The following MAD1L1 variants were observed in gnomAD, a reference collection of about 807,000 sequenced individuals.
The protein encoded by MAD1L1 is mitotic spindle assembly checkpoint protein MAD1.
A neutral mutation model predicts 96.9 loss-of-function variants in MAD1L1; 95 were observed. The ratio of observed to expected loss-of-function variants is 0.98; its 90% CI spans 0.83 to 1.16. The LOEUF (loss-of-function observed/expected upper bound fraction) is 1.16, where lower values mean the gene tolerates loss of function less well. Among genes scored for constraint, MAD1L1 ranks in the 50% most tolerant of loss-of-function variants. MAD1L1 has a pLI of 0.00. For synonymous variants in MAD1L1, 473 were observed against 396.6 expected (o/e 1.19, Z -2.29); for missense variants, 1,007 against 954.4 (o/e 1.06, Z -0.73).
rs1351729744 is a variant in MAD1L1, at chr7:2,169,777, GGAGCAGGGGCTGGACCACAGTCT to G, written c.987-20562_987-20540del. ...GCACAAAGGCCCACTGGGGGCACTCGGAGCAGGGGCTGGACCACAGTCTGGGTGGAGGGGTCGGCCAGGACTGA... is the reference window on the plus strand; with the variant it reads ...GCACAAAGGCCCACTGGGGGCACTCGGGGTGGAGGGGTCGGCCAGGACTGA... On this transcript the variant is annotated intron_variant, in intron 10 of 18. Coordinates refer to ENST00000265854, the MANE Select transcript of MAD1L1 (RefSeq NM_001013836.2). Among the ~76,000 whole-genome samples the G allele has an allele frequency of 1.9e-4, 25 of 133,372 alleles. 2 individuals are homozygous for G. Among genetic ancestry groups the G allele is most frequent in the African/African-American group, 5.5e-4 (18 of 32,960 alleles). The allele number at this position is 133,372 out of a possible 152,430, so 87.5% of individuals were successfully genotyped here.
intron 10 of MAD1L1, among the ~76,000 whole-genome samples, chr7:2,209,097 C>T (rs1032380967): frequency 9.8e-5 from 15 of 152,298 alleles, no homozygotes; most frequent in Middle Eastern, 3.4e-3. Context: ...AACTAACATG[C>T]CCCCAGCCTG....
chr7:2,162,871 T>C (rs1334200834), intron 10 of MAD1L1, among the ~76,000 whole-genome samples: 1 of 141,610 alleles, frequency 7.1e-6, no homozygotes, highest in Non-Finnish European at 1.6e-5. Flanking sequence ...TGGAGTTTCA[T>C]CTTTTTTTTT....
At chr7:1,836,458 C>T (rs181739432) in intron 18 of MAD1L1, among the ~76,000 whole-genome samples, 21 of 152,288 alleles carry the variant, frequency 1.4e-4, no homozygotes, top group Non-Finnish European at 2.6e-4. Context: ...TGACTACGAA[C>T]GCCTAACCTT....
At chr7:2,086,960 G>C (rs1156345014) in intron 11 of MAD1L1, among the ~76,000 whole-genome samples, 2 of 152,200 alleles carry the variant, frequency 1.3e-5, no homozygotes, top group African/African-American at 4.8e-5. Context: ...GCTGAGTTCA[G>C]GAAAAAGTTT....
chr7:2,140,937 T>C (rs538226484), intron 11 of MAD1L1, among the ~76,000 whole-genome samples: 4 of 152,272 alleles, frequency 2.6e-5, no homozygotes, highest in African/African-American at 9.6e-5. Flanking sequence ...TAAAAAGCCA[T>C]GAATATGTAA....
chr7:2,126,594 T>C (rs1192876901), intron 11 of MAD1L1, among the ~76,000 whole-genome samples: 2 of 152,178 alleles, frequency 1.3e-5, no homozygotes, highest in African/African-American at 2.4e-5. Flanking sequence ...GCCGCCAGCC[T>C]TCCTTGGGAC....
chr7:1,956,113 G>A (rs1175128850), intron 16 of MAD1L1, among the ~76,000 whole-genome samples: 1 of 152,072 alleles, frequency 6.6e-6, no homozygotes, highest in East Asian at 1.9e-4. Flanking sequence ...ACTTTATCTT[G>A]GAAATGGACC....
At chr7:2,175,628 A>AAC (rs1337125742) in intron 10 of MAD1L1, among the ~76,000 whole-genome samples, 1 of 152,150 alleles carries the variant, frequency 6.6e-6, no homozygotes, top group African/African-American at 2.4e-5. Context: ...AAACTCTGGC[A>AAC]ACATACTTTT....
chr7:1,873,595 C>T (rs1353376784), intron 18 of MAD1L1, among the ~76,000 whole-genome samples: 2 of 152,002 alleles, frequency 1.3e-5, no homozygotes, highest in Non-Finnish European at 2.9e-5. Flanking sequence ...GCAGGGGGCT[C>T]TGCGGTGGAT....
chr7:2,145,633 T>C (rs1473974370), intron 11 of MAD1L1, among the ~76,000 whole-genome samples: 1 of 152,188 alleles, frequency 6.6e-6, no homozygotes, highest in Non-Finnish European at 1.5e-5. Flanking sequence ...AGGGAGGTGA[T>C]GGCTTCCGGC....
At chr7:2,015,615 C>A (rs1782502354) in intron 12 of MAD1L1, among the ~76,000 whole-genome samples, 1 of 152,240 alleles carries the variant, frequency 6.6e-6, no homozygotes, top group African/African-American at 2.4e-5. Context: ...CAGGTGTGGG[C>A]CTGAACCACA....
chr7:2,205,634 C>T (rs1387475010), intron 10 of MAD1L1, among the ~76,000 whole-genome samples: 1 of 152,170 alleles, frequency 6.6e-6, no homozygotes, highest in African/African-American at 2.4e-5. Flanking sequence ...AGTTATCTCG[C>T]GTCCACCTCC....
intron 18 of MAD1L1, among the ~76,000 whole-genome samples, chr7:1,861,956 C>T (rs900737385): frequency 2.0e-5 from 3 of 152,134 alleles, no homozygotes; most frequent in Non-Finnish European, 4.4e-5. Flanking sequence ...CTGCTGGGAA[C>T]GTAGAGGGCT....
Position 1,882,746 on chromosome 7 carries a change from C to T in MAD1L1, c.1998+15454G>A, listed in dbSNP as rs373002805. 9.8e-5 allele frequency among the ~76,000 whole-genome samples: 15 copies of T among 152,352 alleles called. No homozygotes were observed. In the East Asian group the frequency reaches 1.9e-3, roughly 20 times the overall value. ...GCCACAGGCCCGCTGCATGGCCCCT[C>T]GCCCCCCTTCCCACCGCTGGGGTCC... is the stretch of plus-strand genomic sequence containing the variant. On this transcript the variant is annotated intron_variant, in intron 18 of 18. Coordinates refer to ENST00000265854, the MANE Select transcript of MAD1L1 (RefSeq NM_001013836.2).
Position 2,103,898 on chromosome 7 carries a change from C to A in MAD1L1, c.1074-34560G>T, listed in dbSNP as rs571951652. 6.6e-6 allele frequency among the ~76,000 whole-genome samples: 1 copy of A among 152,220 alleles called. No homozygotes were observed. The highest frequency in any genetic ancestry group is 1.9e-4 in the East Asian group (1 of 5,196). On this transcript the variant is annotated intron_variant, in intron 11 of 18. Coordinates refer to ENST00000265854, the MANE Select transcript of MAD1L1 (RefSeq NM_001013836.2). This position sits in a 1 kb window ranked among gnomAD's most constrained non-coding sequence, Gnocchi z 4.3. The stretch of plus-strand genomic sequence containing the variant: ...GGGGAGACCACCAGTTCTGATGCCA[C>A]GCCATACAACACTCCACCCCGCTGG...
At chr7:1,883,376 G>T (rs1315956645) in intron 18 of MAD1L1, among the ~76,000 whole-genome samples, 3 of 152,166 alleles carry the variant, frequency 2.0e-5, no homozygotes, top group Non-Finnish European at 4.4e-5. Flanking sequence ...CTCACAAACG[G>T]CCCCGGGGAT....
At chr7:2,097,069 C>T (rs1786530926) in intron 11 of MAD1L1, among the ~76,000 whole-genome samples, 1 of 152,148 alleles carries the variant, frequency 6.6e-6, no homozygotes, top group African/African-American at 2.4e-5. Context: ...ACACCAGCTG[C>T]AAGGCGGGAG....
chr7:2,010,077 T>G (rs1782225345), intron 13 of MAD1L1, among the ~76,000 whole-genome samples: 1 of 149,640 alleles, frequency 6.7e-6, no homozygotes, highest in Non-Finnish European at 1.5e-5. Context: ...CAGGTTTTTT[T>G]TTTTTTTTTT....
chr7:1,892,559 G>A (rs1786613472), intron 18 of MAD1L1, among the ~76,000 whole-genome samples: 1 of 152,208 alleles, frequency 6.6e-6, no homozygotes, highest in Non-Finnish European at 1.5e-5. Context: ...GCTCCATTAA[G>A]CATTTCCTTT....
Sources: allele counts gnomAD v4.1 joint callset (sites outside exome capture counted in the v4.1 genomes callset), GRCh38; gene constraint gnomAD v4.1.1; non-coding constraint Gnocchi (gnomAD v3.1); transcripts MANE v1.5; gene names NCBI Gene and HGNC (gene_info 2026-07-23, HGNC 2026-07-21).